HPF1: variants seen among roughly 807,000 people sequenced by gnomAD.
The protein encoded by HPF1 is UPF0609 protein C4orf27.
HPF1 carries 35 observed loss-of-function variants against 38.8 expected under a neutral mutation model. The ratio of observed to expected loss-of-function variants is 0.90; its 90% CI spans 0.69 to 1.19. The LOEUF (loss-of-function observed/expected upper bound fraction) is 1.19, where lower values mean the gene tolerates loss of function less well. HPF1 is among the 50% of genes most tolerant of loss of function. HPF1 has a pLI of 0.00. For missense variants in HPF1, 367 were observed against 405.8 expected (o/e 0.90, Z 0.82); for synonymous variants, 115 against 139.2 (o/e 0.83, Z 1.22).
Position 169,729,597 on chromosome 4 carries a change from A to G in HPF1, c.1022T>C (p.Ile341Thr). ...CCTTACTCATGCAGCAAGTTGGTCT[A>G]TGTTCTCTTGACTTCTGTTTGCCAG... is the stretch of plus-strand genomic sequence containing the variant. ...EHLANRSQEN[I>T]DQLAA Residue 341 changes from isoleucine to threonine, a missense_variant, in exon 8 of 8, where the codon ATA becomes ACA. By Grantham distance (89) the Ile-to-Thr change is moderately conservative. Coordinates refer to ENST00000393381, the MANE Select transcript of HPF1 (RefSeq NM_017867.3). 1.3e-6 allele frequency: 2 copies of G among 1,570,648 alleles called. No homozygotes were observed. Among genetic ancestry groups the G allele is most frequent in the African/African-American group, 1.4e-5 (1 of 72,948 alleles).
chr4:169,734,052 A>G (rs1238675947), intron 6 of HPF1, among the ~76,000 whole-genome samples: 2 of 152,108 alleles, frequency 1.3e-5, no homozygotes, highest in East Asian at 1.9e-4. Flanking sequence ...TCCCTTTCCC[A>G]CTTTTGGTGG....
rs747312133 is a variant in HPF1 at position 169,729,644 on chromosome 4, A to G, written c.975T>C (p.Phe325=). Residue 325 remains phenylalanine, a synonymous_variant, in exon 8 of 8, where the codon TTT becomes TTC. Coordinates refer to ENST00000393381, the MANE Select transcript of HPF1 (RefSeq NM_017867.3). ...CCAGATGCTCCTCAATAATTTCTGC[A>G]AACAGATTCCTCTTCAACAGATTAT... The part of the protein sequence containing the change: ...LAYNLLKRNL[F]AEIIEEHLAN... The G allele has an allele frequency of 6.3e-7, 1 of 1,591,024 alleles. No homozygotes were observed. The highest frequency in any genetic ancestry group is 1.2e-5 in the South Asian group (1 of 85,858).
intron 4 of HPF1, among the ~76,000 whole-genome samples, chr4:169,747,702 C>T (rs746455866): frequency 9.2e-5 from 14 of 152,206 alleles, no homozygotes; most frequent in Non-Finnish European, 1.9e-4. Flanking sequence ...TCCCATACTA[C>T]TCTTTAGCTC....
rs145431534 is a variant in HPF1 at position 169,745,055 on chromosome 4, C to T, written c.498-2948G>A. On this transcript the variant is annotated intron_variant, in intron 4 of 7. Coordinates refer to ENST00000393381, the MANE Select transcript of HPF1 (RefSeq NM_017867.3). Reference sequence around the variant, plus strand: ...CAACCATGGCTGCGGGATGACCCCACAGAGCTGGCTCTCAACTCACTCGCC... The same window carrying T: ...CAACCATGGCTGCGGGATGACCCCATAGAGCTGGCTCTCAACTCACTCGCC... Among the ~76,000 whole-genome samples, 789 of 152,306 alleles carry T rather than the reference C, an allele frequency of 5.2e-3. 10 individuals are homozygous for T. Among genetic ancestry groups the T allele is most frequent in the African/African-American group, 0.017 (719 of 41,566 alleles).
At chr4:169,742,230 A>G in intron 4 of HPF1, 123 bp from the exon 5 acceptor site, 1 of 745,958 alleles carries the variant, frequency 1.3e-6, no homozygotes, top group Non-Finnish European at 2.2e-6. Flanking sequence ...CAGAATAATT[A>G]CCAACACTTC....
In HPF1 at chr4:169,729,648, A is replaced by G; in HGVS notation, c.971T>C (p.Leu324Pro). ...PLAYNLLKRN[L>P]FAEIIEEHLA... ...ATGCTCCTCAATAATTTCTGCAAAC[A>G]GATTCCTCTTCAACAGATTATATGC... Residue 324 changes from leucine to proline, a missense_variant, in exon 8 of 8, where the codon CTG (leucine) becomes CCG (proline). Transcript: ENST00000393381. 6.3e-7 allele frequency: 1 copy of G among 1,590,916 alleles called. No individual in the cohort carries two copies. The highest frequency in any genetic ancestry group is 8.5e-7 in the Non-Finnish European group (1 of 1,170,512).
intron 7 of HPF1, among the ~76,000 whole-genome samples, 180 bp from the exon 8 acceptor site, chr4:169,729,889 C>G (rs2150287789): frequency 1.3e-5 from 2 of 152,258 alleles, no homozygotes; most frequent in Admixed American, 1.3e-4. Flanking sequence ...AAGAGGCAGT[C>G]TTGTTGCTCT....
In HPF1 at chr4:169,737,719, C is replaced by T. The variant is rs1478024562; in HGVS notation, c.677G>A (p.Gly226Asp). Residue 226 changes from glycine to aspartate, a missense_variant, in exon 6 of 8, where the codon GGC becomes GAC. Gly to Asp is a moderately conservative substitution (Grantham distance 94). Coordinates refer to ENST00000393381, the MANE Select transcript of HPF1 (RefSeq NM_017867.3). ...ATTTTTATCTACTGGAACAACCAAG[C>T]CTGCACCATGAAAGGTCTTTGTCAC... ...KVVTKTFHGA[G>D]LVVPVDKNDV... The T allele has an allele frequency of 1.2e-6, 2 of 1,612,400 alleles. No homozygotes were observed. Among genetic ancestry groups the T allele is most frequent in the South Asian group, 2.2e-5 (2 of 91,004 alleles).
At chr4:169,742,877 G>T (rs1733993437) in intron 4 of HPF1, among the ~76,000 whole-genome samples, 1 of 151,918 alleles carries the variant, frequency 6.6e-6, no homozygotes, top group Non-Finnish European at 1.5e-5. Flanking sequence ...GAGGTGGGCG[G>T]ATCACTCAAG....
intron 2 of HPF1, among the ~76,000 whole-genome samples, chr4:169,751,086 G>A (rs1734112757): frequency 6.6e-6 from 1 of 152,128 alleles, no homozygotes; most frequent in Non-Finnish European, 1.5e-5. Context: ...GGGAGAGAAA[G>A]ATAGCAAAAA....
chr4:169,748,763 T>G lies in HPF1; in HGVS notation c.478A>C (p.Asn160His). 1 of 1,420,074 alleles carries G rather than the reference T, an allele frequency of 7.0e-7. No individual in the cohort carries two copies. Among genetic ancestry groups the G allele is most frequent in the East Asian group, 2.4e-5 (1 of 40,922 alleles). The allele number at this position is 1,420,074 out of a possible 1,614,324, so 88.0% of individuals were successfully genotyped here. The change falls in exon 4 of 8, where the codon AAT (asparagine) becomes CAT (histidine). Residue 160 changes from asparagine to histidine, a missense_variant. Asn to His is a moderately conservative substitution (Grantham distance 68). Coordinates refer to ENST00000393381, the MANE Select transcript of HPF1 (RefSeq NM_017867.3). ...KNCIIVPNGD[N>H]VFAAVKLFLT... ...TCTTACTTGACTGCAGCAAATACAT[T>G]ATCTCCATTTGGAACAATTATACAA...
Position 169,755,617 on chromosome 4 carries a change from A to G in HPF1, c.49-1782T>C, listed in dbSNP as rs1334589694. ...CCGTCATTTACCGAATGGTTACTCT[A>G]TGGCTACACAATATGGACCAACCTA... On this transcript the variant is annotated intron_variant, in intron 1 of 7. Coordinates refer to ENST00000393381, the MANE Select transcript of HPF1 (RefSeq NM_017867.3). Among the ~76,000 whole-genome samples, 4 of 152,234 alleles carry G rather than the reference A, an allele frequency of 2.6e-5. No individual in the cohort carries two copies. The South Asian group carries it at 8.3e-4, about 32-fold the overall frequency.
chr4:169,738,559 C>G (rs1375472046), intron 5 of HPF1, among the ~76,000 whole-genome samples: 1 of 152,246 alleles, frequency 6.6e-6, no homozygotes, highest in South Asian at 2.1e-4. Context: ...GTCTCTATAT[C>G]TTAAAGATTT....
At chr4:169,734,178 G>A (rs924274461) in intron 6 of HPF1, among the ~76,000 whole-genome samples, 3 of 152,138 alleles carry the variant, frequency 2.0e-5, no homozygotes, top group African/African-American at 7.2e-5. Context: ...TATTTTACAT[G>A]AGCTTCATGA....
intron 4 of HPF1, among the ~76,000 whole-genome samples, chr4:169,746,923 T>TA (rs35498061): frequency 0.017 from 2,184 of 130,278 alleles, 59 homozygotes; most frequent in African/African-American, 0.052. Flanking sequence ...CCAATTAGCT[T>TA]AAAAAAAAAA....
rs778144150 is a variant in HPF1 at position 169,750,759 on chromosome 4, G to A, written c.209-34C>T. 4.1e-6 allele frequency: 6 copies of A among 1,450,974 alleles called. No individual in the cohort carries two copies. The East Asian group carries it at 1.4e-4, about 34-fold the overall frequency. 89.9% of individuals were successfully genotyped at this position (1,450,974 alleles called of 1,614,324 possible). Reference sequence around the variant, plus strand: ...AAAATAAATTTAGACAATACTTTCTGGAGACAGGTAGGAAATAATGCTTTT... The same window carrying A: ...AAAATAAATTTAGACAATACTTTCTAGAGACAGGTAGGAAATAATGCTTTT... On this transcript the variant is annotated intron_variant, in intron 2 of 7. Coordinates refer to ENST00000393381, the MANE Select transcript of HPF1 (RefSeq NM_017867.3).
At chr4:169,746,889 T>C (rs1177626537) in intron 4 of HPF1, among the ~76,000 whole-genome samples, 1 of 151,252 alleles carries the variant, frequency 6.6e-6, no homozygotes, top group Non-Finnish European at 1.5e-5. Context: ...GCATTTTTTT[T>C]TTCTTTTTCA....
intron 4 of HPF1, among the ~76,000 whole-genome samples, chr4:169,747,715 GCTCCA>G (rs1734067222): frequency 6.6e-6 from 1 of 152,068 alleles, no homozygotes; most frequent in South Asian, 2.1e-4. Flanking sequence ...TTTAGCTCAG[GCTCCA>G]CATGGGACCT....
chr4:169,752,769 T>C (rs1734136059), intron 2 of HPF1, among the ~76,000 whole-genome samples: 1 of 152,138 alleles, frequency 6.6e-6, no homozygotes, highest in Non-Finnish European at 1.5e-5. Flanking sequence ...TAAGTAAATA[T>C]CCTCAAACAT....
Sources: allele counts gnomAD v4.1 joint callset (sites outside exome capture counted in the v4.1 genomes callset), GRCh38; gene constraint gnomAD v4.1.1; transcripts MANE v1.5; gene names NCBI Gene and HGNC (gene_info 2026-07-23, HGNC 2026-07-21).